Variants in LTBP1 observed in about 807,000 individuals in gnomAD.
LTBP1 encodes latent-transforming growth factor beta-binding protein 1.
A neutral mutation model predicts 207.6 loss-of-function variants in LTBP1; 129 were observed. The observed-to-expected ratio is 0.62, with a 90% CI of 0.54 to 0.72. LTBP1 has a LOEUF of 0.72. Among genes scored for constraint, LTBP1 ranks in the 30% least tolerant of loss-of-function variants. The probability of loss-of-function intolerance (pLI) is 0.00; values close to 1 mark genes in which losing one functional copy is unlikely to be tolerated. For synonymous variants in LTBP1, 963 were observed against 833.7 expected (o/e 1.16, Z -2.67); for missense variants, 2,281 against 2,217.2 (o/e 1.03, Z -0.58).
At chr2:33,355,037 A>G (rs1339447961) in intron 26 of LTBP1, among the ~76,000 whole-genome samples, 1 of 152,336 alleles carries the variant, frequency 6.6e-6, no homozygotes, top group South Asian at 2.1e-4. Context: ...AGAACTTGCT[A>G]TAAACTAAAC....
chr2:33,315,102 C>T (rs779022284), intron 23 of LTBP1, 42 bp from the exon 24 acceptor site: 2 of 1,536,244 alleles, frequency 1.3e-6, no homozygotes, highest in Admixed American at 4.4e-5. Context: ...GGGAATGAAA[C>T]CGATTTTTTT....
At position 33,016,131 on chromosome 2, in the gene LTBP1, TA is replaced by T. The variant is rs559268102; in HGVS notation, c.566-4776del. The stretch of plus-strand genomic sequence containing the variant: ...GTGGGCTTGAAGGCATTGGAGGTTT[TA>T]ATTGTTCTCATTGGATTGAGGGGCC... On this transcript the variant is annotated intron_variant, in intron 2 of 33. Transcript: ENST00000404816. 3.6e-3 allele frequency among the ~76,000 whole-genome samples: 542 copies of T among 152,168 alleles called. 1 individual carries two copies. Among genetic ancestry groups the T allele is most frequent in the African/African-American group, 8.1e-3 (336 of 41,524 alleles).
chr2:33,008,091 A>G (rs1198643326), intron 2 of LTBP1, among the ~76,000 whole-genome samples: 1 of 152,168 alleles, frequency 6.6e-6, no homozygotes, highest in Non-Finnish European at 1.5e-5. Flanking sequence ...GTTGGCAGTC[A>G]TTTCTGTTTT....
intron 5 of LTBP1, among the ~76,000 whole-genome samples, chr2:33,175,072 A>G (rs990290894): frequency 4.6e-5 from 7 of 152,196 alleles, no homozygotes; most frequent in African/African-American, 1.7e-4. Flanking sequence ...AAACCTAGGC[A>G]TTACCATTCA....
At chr2:33,222,027 A>G in intron 8 of LTBP1, 53 bp from the exon 9 acceptor site, 3 of 1,279,204 alleles carry the variant, frequency 2.3e-6, no homozygotes. Context: ...CACTTACACT[A>G]GTCTAAGATT....
chr2:33,397,503 A>ATTTTTTT (rs1459402012), intron 33 of LTBP1, among the ~76,000 whole-genome samples: 1 of 77,892 alleles, frequency 1.3e-5, no homozygotes, highest in African/African-American at 5.0e-5. Context: ...TTTTACCACA[A>ATTTTTTT]TTCTTTTTTT....
At position 32,957,553 on chromosome 2, in the gene LTBP1, TGTG is replaced by T. The variant is rs761926970; in HGVS notation, c.565+8612_565+8614del. ...TTTCTGTCTTATATTGGGTATGATT[TGTG>T]GTGCCCCAAAACAATTACAATGGTA... On this transcript the variant is annotated intron_variant, in intron 2 of 33. Coordinates refer to ENST00000404816, the MANE Select transcript of LTBP1 (RefSeq NM_206943.4). Among the ~76,000 whole-genome samples the T allele has an allele frequency of 2.6e-5, 4 of 152,268 alleles. No homozygotes were observed. In the East Asian group the frequency reaches 7.7e-4, roughly 29 times the overall value.
chr2:33,365,576 C>T (rs1574030890), intron 31 of LTBP1, 73 bp downstream of exon 31: 5 of 1,439,974 alleles, frequency 3.5e-6, no homozygotes, highest in Middle Eastern at 2.3e-4. Flanking sequence ...TGTAGCCTGA[C>T]ATTTCTCTTC....
rs149987082 is a variant in LTBP1, at chr2:33,188,648, G to A, written c.1498G>A (p.Val500Ile). Reference protein sequence around the residue: ...PPEASVQIHQVSRIDGPTGQK... With the variant: ...PPEASVQIHQISRIDGPTGQK... ...TGAAGCTTCCGTCCAGATACATCAG[G>A]TTTCAAGAATTGATGGCCCAACAGG... Residue 500 changes from valine (V) to isoleucine (I), a missense_variant, in exon 7 of 34, where the codon GTT (valine) becomes ATT (isoleucine). By Grantham distance (29) the Val-to-Ile change is conservative (BLOSUM62 3). Around this residue, in one of 3 missense-constraint regions of LTBP1, gnomAD observed 1,671 missense variants for 1,634.8 expected, o/e 1.02. Transcript: ENST00000404816. 6 of 1,613,972 alleles carry A rather than the reference G, an allele frequency of 3.7e-6. No individual in the cohort carries two copies. Among genetic ancestry groups the A allele is most frequent in the Non-Finnish European group, 5.1e-6 (6 of 1,180,004 alleles).
At chr2:33,099,757 G>T (rs536612957) in intron 3 of LTBP1, among the ~76,000 whole-genome samples, 1 of 152,256 alleles carries the variant, frequency 6.6e-6, no homozygotes, top group South Asian at 2.1e-4. Flanking sequence ...AGGTGCTTGG[G>T]TCCTCCTACC....
chr2:33,284,532 T>G (rs1231912477), intron 19 of LTBP1, among the ~76,000 whole-genome samples: 1 of 152,178 alleles, frequency 6.6e-6, no homozygotes, highest in East Asian at 1.9e-4. Context: ...GATCCCCACC[T>G]TTAATGACTA....
At chr2:33,075,136 T>G (rs2078015283) in intron 3 of LTBP1, among the ~76,000 whole-genome samples, 1 of 152,192 alleles carries the variant, frequency 6.6e-6, no homozygotes, top group Non-Finnish European at 1.5e-5. Flanking sequence ...TAGATGGGGC[T>G]GGAGAGAGCC....
intron 2 of LTBP1, among the ~76,000 whole-genome samples, chr2:32,988,775 C>G (rs1405393666): frequency 3.3e-5 from 5 of 152,198 alleles, no homozygotes; most frequent in Non-Finnish European, 7.4e-5. Context: ...TGAGAATTTA[C>G]TGAATGCTGC....
At chr2:33,336,588 CT>C (rs2094555981) in intron 24 of LTBP1, among the ~76,000 whole-genome samples, 1 of 152,204 alleles carries the variant, frequency 6.6e-6, no homozygotes, top group African/African-American at 2.4e-5. Flanking sequence ...CTCTCAGTAG[CT>C]TTGGAGATTT....
intron 2 of LTBP1, among the ~76,000 whole-genome samples, chr2:32,983,977 T>C (rs1015530027): frequency 2.0e-5 from 3 of 152,254 alleles, no homozygotes; most frequent in Non-Finnish European, 2.9e-5. Context: ...AAAACTGTAC[T>C]GCATAATTTT....
At chr2:33,198,322 G>A (rs1294022764) in intron 7 of LTBP1, among the ~76,000 whole-genome samples, 2 of 152,118 alleles carry the variant, frequency 1.3e-5, no homozygotes, top group Non-Finnish European at 2.9e-5. Flanking sequence ...GAGGATTTTT[G>A]CATCAATGTT....
intron 3 of LTBP1, among the ~76,000 whole-genome samples, chr2:33,098,988 T>A (rs1437671143): frequency 6.6e-6 from 1 of 152,182 alleles, no homozygotes; most frequent in Non-Finnish European, 1.5e-5. Flanking sequence ...ATAAGAAGAT[T>A]TACTTGTTCA....
chr2:32,992,789 G>C (rs1054519476), intron 2 of LTBP1, among the ~76,000 whole-genome samples: 5 of 152,114 alleles, frequency 3.3e-5, no homozygotes, highest in African/African-American at 4.8e-5. Flanking sequence ...ATCCTGCAGG[G>C]GGTTCAGGGT....
chr2:33,386,986 A>G (rs759701924), intron 31 of LTBP1, among the ~76,000 whole-genome samples: 1 of 152,060 alleles, frequency 6.6e-6, no homozygotes, highest in African/African-American at 2.4e-5. Flanking sequence ...ACGTGCCACC[A>G]TGCCCAGCTA....
Sources: allele counts gnomAD v4.1 joint callset (sites outside exome capture counted in the v4.1 genomes callset), GRCh38; gene constraint gnomAD v4.1.1; regional missense constraint gnomAD v4.1.1; transcripts MANE v1.5; gene names NCBI Gene and HGNC (gene_info 2026-07-23, HGNC 2026-07-21).